Variants in PTPRG observed in about 807,000 individuals in gnomAD.
PTPRG encodes the protein protein tyrosine phosphatase receptor type G, also known as receptor-type tyrosine-protein phosphatase gamma.
In PTPRG, 102 loss-of-function variants were observed where a neutral mutation model predicts 165.3. That is an observed-to-expected ratio of 0.62 (90% confidence interval 0.53 to 0.73). The LOEUF (loss-of-function observed/expected upper bound fraction) is 0.73. Among genes scored for constraint, PTPRG ranks in the 30% least tolerant of loss-of-function variants. The pLI is 0.00. For missense variants in PTPRG, 1,866 were observed against 1,861.4 expected (o/e 1.00, Z -0.05); for synonymous variants, 675 against 669.5 (o/e 1.01, Z -0.13).
chr3:61,615,466 A>G (rs141714588), intron 1 of PTPRG, among the ~76,000 whole-genome samples: 233 of 152,330 alleles, frequency 1.5e-3, no homozygotes, highest in Middle Eastern at 6.8e-3. Flanking sequence ...GGGCCTTTCA[A>G]TCCTATCAGG....
At chr3:61,863,706 G>T (rs2037333626) in intron 2 of PTPRG, among the ~76,000 whole-genome samples, 1 of 152,198 alleles carries the variant, frequency 6.6e-6, no homozygotes, top group Non-Finnish European at 1.5e-5. Context: ...TCTGCTCCCT[G>T]CTGCTCCTTG....
intron 7 of PTPRG, among the ~76,000 whole-genome samples, chr3:62,167,588 G>A (rs1705041761): frequency 6.6e-6 from 1 of 152,124 alleles, no homozygotes; most frequent in South Asian, 2.1e-4. Context: ...TTCATACCCA[G>A]GCAGTCTGGC....
At chr3:62,200,290 G>C (rs1299720429) in intron 10 of PTPRG, among the ~76,000 whole-genome samples, 1 of 150,588 alleles carries the variant, frequency 6.6e-6, no homozygotes, top group Non-Finnish European at 1.5e-5. Context: ...TATTTTTTTT[G>C]AGACAAAGTC....
chr3:61,889,420 A>G (rs546728183), intron 2 of PTPRG, among the ~76,000 whole-genome samples: 1 of 152,306 alleles, frequency 6.6e-6, no homozygotes, highest in Admixed American at 6.5e-5. Flanking sequence ...CAAGCTGATC[A>G]TTGTGTTATA....
intron 4 of PTPRG, among the ~76,000 whole-genome samples, chr3:62,053,986 G>C (rs1461426691): frequency 6.6e-6 from 1 of 152,194 alleles, no homozygotes; most frequent in East Asian, 1.9e-4. Flanking sequence ...TATACACCCT[G>C]TAACTACTGT....
At chr3:61,664,861 A>G (rs1182302291) in intron 1 of PTPRG, among the ~76,000 whole-genome samples, 2 of 152,180 alleles carry the variant, frequency 1.3e-5, no homozygotes, top group Admixed American at 6.5e-5. Context: ...AATAAAAAAA[A>G]TAAAAAAGCA....
At chr3:61,936,978 A>G (rs2039497551) in intron 2 of PTPRG, among the ~76,000 whole-genome samples, 1 of 152,194 alleles carries the variant, frequency 6.6e-6, no homozygotes, top group Non-Finnish European at 1.5e-5. Flanking sequence ...TTTAATCCCC[A>G]CAGGTATCTT....
intron 2 of PTPRG, among the ~76,000 whole-genome samples, chr3:61,775,998 A>G (rs2034369924): frequency 6.6e-6 from 1 of 151,984 alleles, no homozygotes. Flanking sequence ...TAATGGGTGC[A>G]GCACACCAAC....
intron 1 of PTPRG, among the ~76,000 whole-genome samples, chr3:61,592,050 C>T (rs938090844): frequency 3.3e-5 from 5 of 151,644 alleles, no homozygotes; most frequent in South Asian, 2.1e-4. Flanking sequence ...TCCGTATCAC[C>T]GCAGCCTCCG....
chr3:61,622,514 G>C (rs559225839), intron 1 of PTPRG, among the ~76,000 whole-genome samples: 1 of 152,202 alleles, frequency 6.6e-6, no homozygotes, highest in Admixed American at 6.5e-5. Flanking sequence ...TGATTTGAAA[G>C]ATTATGTTGT....
intron 1 of PTPRG, among the ~76,000 whole-genome samples, chr3:61,726,509 T>C (rs1208135420): frequency 6.6e-6 from 1 of 152,146 alleles, no homozygotes; most frequent in African/African-American, 2.4e-5. Flanking sequence ...TTGCTAAATA[T>C]AATTGTAAGT....
chr3:61,577,452 A>AT (rs1575513358), intron 1 of PTPRG, among the ~76,000 whole-genome samples: 2 of 152,332 alleles, frequency 1.3e-5, no homozygotes, highest in East Asian at 3.9e-4. Flanking sequence ...TGGCATGTCT[A>AT]AATTGAGATG....
intron 1 of PTPRG, among the ~76,000 whole-genome samples, chr3:61,721,587 T>C (rs1457379404): frequency 2.6e-5 from 4 of 152,188 alleles, no homozygotes; most frequent in African/African-American, 9.7e-5. Flanking sequence ...GAACATTATA[T>C]TTTTGGATTA....
intron 14 of PTPRG, among the ~76,000 whole-genome samples, chr3:62,234,113 G>A (rs1294468098): frequency 6.6e-6 from 1 of 152,080 alleles, no homozygotes; most frequent in African/African-American, 2.4e-5. Flanking sequence ...ATGCAATCAT[G>A]TGCCTTGCTG....
At chr3:62,194,508 G>T (rs1272800039) in intron 9 of PTPRG, among the ~76,000 whole-genome samples, 3 of 152,142 alleles carry the variant, frequency 2.0e-5, no homozygotes, top group Non-Finnish European at 4.4e-5. Flanking sequence ...AATACAGCGA[G>T]GCCTTTGAAC....
chr3:62,129,534 A>G (rs1576039285), intron 5 of PTPRG, among the ~76,000 whole-genome samples: 1 of 152,316 alleles, frequency 6.6e-6, no homozygotes, highest in Non-Finnish European at 1.5e-5. Context: ...CGCGTATCAC[A>G]TGAACAAGAG....
intron 1 of PTPRG, among the ~76,000 whole-genome samples, chr3:61,694,579 G>A (rs2030448931): frequency 6.6e-6 from 1 of 152,094 alleles, no homozygotes; most frequent in Admixed American, 6.5e-5. Context: ...TGGAAAAACT[G>A]CATATCTCTA....
chr3:62,277,818 T>G (rs1702283145), intron 26 of PTPRG, 139 bp downstream of exon 26: 2 of 1,024,408 alleles, frequency 2.0e-6, no homozygotes, highest in South Asian at 3.4e-5. Context: ...CATCTTGAAG[T>G]CTGTGGAGAT....
intron 8 of PTPRG, among the ~76,000 whole-genome samples, chr3:62,183,651 C>T (rs1424390637): frequency 6.6e-6 from 1 of 152,024 alleles, no homozygotes; most frequent in African/African-American, 2.4e-5. Context: ...TTCCAGCATC[C>T]TGTCACTCCT....
Sources: gnomAD v4.1 joint callset for allele counts (sites outside exome capture counted in the v4.1 genomes callset) on GRCh38, gnomAD v4.1.1 for gene constraint, MANE v1.5 for transcripts, NCBI Gene and HGNC (gene_info 2026-07-23, HGNC 2026-07-21) for gene names.